CACNB4: variants seen among roughly 807,000 people sequenced by gnomAD.
CACNB4 encodes voltage-dependent L-type calcium channel subunit beta-4.
A neutral mutation model predicts 71.2 loss-of-function variants in CACNB4; 32 were observed. That is an observed-to-expected ratio of 0.45 (90% CI 0.34 to 0.60). The LOEUF (loss-of-function observed/expected upper bound fraction) is 0.60. Among genes scored for constraint, CACNB4 ranks in the 20% least tolerant of loss-of-function variants. CACNB4 has a pLI of 0.01. For synonymous variants in CACNB4, 231 were observed against 236.9 expected (o/e 0.97, Z 0.23); for missense variants, 464 against 647.9 (o/e 0.72, Z 3.08).
chr2:151,966,122 C>T (rs1418957835), intron 2 of CACNB4, among the ~76,000 whole-genome samples: 1 of 152,102 alleles, frequency 6.6e-6, no homozygotes, highest in Non-Finnish European at 1.5e-5. Flanking sequence ...TGTGAAGAAA[C>T]CTTAGAAAAT....
chr2:151,900,904 G>C (rs1578710051), intron 2 of CACNB4, among the ~76,000 whole-genome samples: 2 of 151,870 alleles, frequency 1.3e-5, no homozygotes, highest in Admixed American at 1.3e-4. Context: ...ATTGACTAAA[G>C]GGGAAAAAAC....
At chr2:152,013,133 A>G (rs62175069) in intron 2 of CACNB4, among the ~76,000 whole-genome samples, 11,515 of 152,272 alleles carry the variant, frequency 0.076, 460 homozygotes, top group African/African-American at 0.09. Context: ...ACATAGCCTA[A>G]GTGTGTGGTA....
chr2:151,835,611 G>A lies in CACNB4; in HGVS notation c.*3508C>T, dbSNP rs1312449920. On this transcript the variant is annotated 3_prime_UTR_variant, in exon 14 of 14. Coordinates refer to ENST00000539935, the MANE Select transcript of CACNB4 (RefSeq NM_000726.5). Reference sequence around the variant, plus strand: ...AAGGTTGCCAAGACACATTCTTAACGGACATCCTGGGTCTTAACAACATTT... The same window carrying A: ...AAGGTTGCCAAGACACATTCTTAACAGACATCCTGGGTCTTAACAACATTT... 1.3e-5 allele frequency: 2 copies of A among 151,738 alleles called. No individual in the cohort carries two copies. The highest frequency in any genetic ancestry group is 3.0e-5 in the Non-Finnish European group (2 of 67,740). The allele number at this position is 151,738 out of a possible 1,614,324, so 9.4% of individuals were successfully genotyped here.
At chr2:151,996,896 T>C (rs1579095078) in intron 2 of CACNB4, among the ~76,000 whole-genome samples, 1 of 151,582 alleles carries the variant, frequency 6.6e-6, no homozygotes, top group Non-Finnish European at 1.5e-5. Flanking sequence ...AGCTCCTGCT[T>C]TCAAACTGGC....
intron 2 of CACNB4, among the ~76,000 whole-genome samples, chr2:152,003,909 A>G (rs1287875100): frequency 1.3e-5 from 2 of 151,908 alleles, no homozygotes; most frequent in African/African-American, 2.4e-5. Context: ...CAATGGTGCC[A>G]TTAAGGCTCA....
chr2:151,842,146 T>C, intron 12 of CACNB4, 58 bp from the exon 13 acceptor site: 1 of 1,439,992 alleles, frequency 6.9e-7, no homozygotes, highest in Non-Finnish European at 9.7e-7. Flanking sequence ...CAATGAAACC[T>C]AAAATTCCAC....
chr2:151,999,485 T>G (rs1682274507), intron 2 of CACNB4, among the ~76,000 whole-genome samples: 1 of 152,092 alleles, frequency 6.6e-6, no homozygotes, highest in African/African-American at 2.4e-5. Context: ...AAGGAGCACC[T>G]ATTTTTAAAA....
chr2:151,847,841 G>A (rs973600278), intron 12 of CACNB4, among the ~76,000 whole-genome samples: 2 of 152,180 alleles, frequency 1.3e-5, no homozygotes, highest in African/African-American at 2.4e-5. Flanking sequence ...AGCTCCGATC[G>A]CGCCACTGCA....
intron 2 of CACNB4, among the ~76,000 whole-genome samples, chr2:152,018,128 C>T (rs1437590787): frequency 1.3e-5 from 2 of 152,106 alleles, no homozygotes; most frequent in East Asian, 1.9e-4. Context: ...CCACCATGCC[C>T]GGCCTTTTTT....
intron 2 of CACNB4, among the ~76,000 whole-genome samples, chr2:151,890,809 G>A (rs1346242674): frequency 2.6e-5 from 4 of 152,164 alleles, no homozygotes; most frequent in Non-Finnish European, 4.4e-5. Flanking sequence ...CATTCACATG[G>A]TATCTGTAGG....
intron 11 of CACNB4, chr2:151,854,275 G>A (rs2099839726): frequency 6.6e-6 from 1 of 152,296 alleles, no homozygotes; most frequent in African/African-American, 2.4e-5. Flanking sequence ...CTGCAGTGAA[G>A]TGCTTGAACC....
At chr2:152,062,047 A>G (rs545385934) in intron 2 of CACNB4, among the ~76,000 whole-genome samples, 2 of 147,472 alleles carry the variant, frequency 1.4e-5, no homozygotes, top group Admixed American at 6.7e-5. Flanking sequence ...TAATAATAAT[A>G]ATGATTAGGA....
intron 10 of CACNB4, among the ~76,000 whole-genome samples, chr2:151,856,315 C>T (rs1028076754): frequency 1.3e-5 from 2 of 151,972 alleles, no homozygotes; most frequent in African/African-American, 2.4e-5. Context: ...GATTTGTTTT[C>T]GTTTTTGAGA....
intron 2 of CACNB4, among the ~76,000 whole-genome samples, chr2:152,095,297 A>G (rs1688205143): frequency 6.6e-6 from 1 of 152,170 alleles, no homozygotes; most frequent in Non-Finnish European, 1.5e-5. Flanking sequence ...ATGTGTGTGC[A>G]TGCACACATA....
At chr2:152,032,876 C>A (rs1684362115) in intron 2 of CACNB4, among the ~76,000 whole-genome samples, 2 of 152,194 alleles carry the variant, frequency 1.3e-5, no homozygotes, top group African/African-American at 2.4e-5. Context: ...ATTGATTAAG[C>A]CCTGGAGTTC....
chr2:152,032,616 A>C (rs1280284239), intron 2 of CACNB4, among the ~76,000 whole-genome samples: 1 of 152,106 alleles, frequency 6.6e-6, no homozygotes, highest in African/African-American at 2.4e-5. Flanking sequence ...TTTTTGCTTA[A>C]TGCATTTTCT....
intron 2 of CACNB4, among the ~76,000 whole-genome samples, chr2:151,953,030 A>G (rs559880098): frequency 2.7e-4 from 41 of 152,308 alleles, no homozygotes; most frequent in Admixed American, 2.3e-3. Flanking sequence ...AGGAAACTGA[A>G]TACTAGGTGG....
chr2:151,954,122 G>T (rs190739084), intron 2 of CACNB4, among the ~76,000 whole-genome samples: 30 of 152,292 alleles, frequency 2.0e-4, no homozygotes, highest in African/African-American at 6.5e-4. Flanking sequence ...TGTGACCAGG[G>T]TTATCAGTGT....
In CACNB4 at chr2:151,834,194, T is replaced by G. The variant is rs981351267; in HGVS notation, c.*4925A>C. The G allele has an allele frequency of 6.6e-5, 10 of 152,078 alleles. No homozygotes were observed. Among genetic ancestry groups the G allele is most frequent in the Non-Finnish European group, 1.0e-4 (7 of 67,894 alleles). The allele number at this position is 152,078 out of a possible 1,614,324, so 9.4% of individuals were successfully genotyped here. On this transcript the variant is annotated 3_prime_UTR_variant, in exon 14 of 14. Transcript: ENST00000539935. ...CTAGAGGCCAGCCACTTCTGGTTCT[T>G]AGTTCCCCTTGTAACTCCTTATAAT...
Sources: gnomAD v4.1 joint callset for allele counts (sites outside exome capture counted in the v4.1 genomes callset) on GRCh38, gnomAD v4.1.1 for gene constraint, MANE v1.5 for transcripts, NCBI Gene and HGNC (gene_info 2026-07-23, HGNC 2026-07-21) for gene names.